Variants in PLEKHA6 observed in about 807,000 individuals in gnomAD.
PLEKHA6 encodes pleckstrin homology domain-containing family A member 6.
Under a neutral mutation model 116.7 loss-of-function variants are expected in PLEKHA6, and 60 were observed. The observed-to-expected ratio is 0.51, with a 90% confidence interval of 0.42 to 0.64. The LOEUF (loss-of-function observed/expected upper bound fraction) is 0.64, where lower values mean the gene tolerates loss of function less well. Ranked by LOEUF, PLEKHA6 falls within the 30% of genes least tolerant of loss-of-function variation. The pLI is 0.00. For synonymous variants in PLEKHA6, 489 were observed against 556.1 expected (o/e 0.88, Z 1.70); for missense variants, 1,338 against 1,422.7 (o/e 0.94, Z 0.96).
At chr1:204,326,656 T>G (rs1033798912) in intron 1 of PLEKHA6, among the ~76,000 whole-genome samples, 3 of 152,212 alleles carry the variant, frequency 2.0e-5, no homozygotes, top group African/African-American at 7.2e-5. Flanking sequence ...GCAAATAATT[T>G]TTGCTGTCCA....
chr1:204,282,388 G>C (rs888617921), intron 1 of PLEKHA6, among the ~76,000 whole-genome samples: 2 of 152,154 alleles, frequency 1.3e-5, no homozygotes, highest in African/African-American at 2.4e-5. Flanking sequence ...AGAGTAGATA[G>C]CATAACTCTG....
intron 9 of PLEKHA6, among the ~76,000 whole-genome samples, chr1:204,253,457 G>T (rs1664831064): frequency 6.6e-6 from 1 of 152,162 alleles, no homozygotes; most frequent in African/African-American, 2.4e-5. Context: ...TGGGGGCGAA[G>T]CCTACAGTGA....
At chr1:204,337,719 G>T (rs80250752) in intron 1 of PLEKHA6, among the ~76,000 whole-genome samples, 21 of 152,160 alleles carry the variant, frequency 1.4e-4, no homozygotes, top group African/African-American at 2.2e-4. Context: ...TCTCACTTGG[G>T]GGGGGAATCC....
At chr1:204,352,555 T>A (rs1673313264) in intron 1 of PLEKHA6, among the ~76,000 whole-genome samples, 1 of 152,104 alleles carries the variant, frequency 6.6e-6, no homozygotes, top group Non-Finnish European at 1.5e-5. Context: ...CGGCTTAAGG[T>A]TTCTGCCTTG....
At position 204,338,441 on chromosome 1, in the gene PLEKHA6, T is replaced by C. The variant is rs189091375; in HGVS notation, c.-95+21253A>G. Among the ~76,000 whole-genome samples, 992 of 152,312 alleles carry C rather than the reference T, an allele frequency of 6.5e-3. 6 individuals carry two copies. Among genetic ancestry groups the C allele is most frequent in the African/African-American group, 0.023 (945 of 41,568 alleles). On this transcript the variant is annotated intron_variant, in intron 1 of 22. Transcript: ENST00000272203. ...AAGGTCATTAGTTCATAAGAACTCA[T>C]TAGTTCAACAGGAAGTGCAGTCTCA...
intron 21 of PLEKHA6, among the ~76,000 whole-genome samples, chr1:204,225,738 A>G (rs1213058621): frequency 6.6e-6 from 1 of 152,168 alleles, no homozygotes; most frequent in African/African-American, 2.4e-5. Context: ...GTCTCCACAC[A>G]ACATCCTTAG....
intron 12 of PLEKHA6, among the ~76,000 whole-genome samples, chr1:204,248,325 TG>T (rs1433436207): frequency 6.6e-6 from 1 of 152,114 alleles, no homozygotes; most frequent in Non-Finnish European, 1.5e-5. Context: ...CGGCTAATTT[TG>T]TATTTTTAGT....
chr1:204,243,981 C>T (rs916955117), intron 15 of PLEKHA6, among the ~76,000 whole-genome samples: 8 of 151,852 alleles, frequency 5.3e-5, no homozygotes, highest in Admixed American at 2.6e-4. Flanking sequence ...CCACCACGCC[C>T]GGCTAATTTT....
intron 1 of PLEKHA6, among the ~76,000 whole-genome samples, chr1:204,374,212 A>G (rs1256239531): frequency 6.6e-6 from 1 of 152,158 alleles, no homozygotes; most frequent in African/African-American, 2.4e-5. Flanking sequence ...TCTCCACTCC[A>G]GCACCGGGCT....
chr1:204,313,825 A>G (rs1671754090), intron 1 of PLEKHA6: 1 of 352,046 alleles, frequency 2.8e-6, no homozygotes, highest in Non-Finnish European at 4.0e-6. Flanking sequence ...GCCACCCCAC[A>G]GAGCATCTCC....
At chr1:204,224,452 C>T (rs1474196383) in intron 21 of PLEKHA6, among the ~76,000 whole-genome samples, 2 of 151,942 alleles carry the variant, frequency 1.3e-5, no homozygotes, top group Non-Finnish European at 2.9e-5. Context: ...ACTGCATTTC[C>T]ACCGAGAGAG....
At chr1:204,272,472 A>G (rs1176657791) in intron 3 of PLEKHA6, among the ~76,000 whole-genome samples, 2 of 152,038 alleles carry the variant, frequency 1.3e-5, no homozygotes, top group Admixed American at 1.3e-4. Flanking sequence ...CTACCCTTCC[A>G]TTTCCCATCA....
intron 17 of PLEKHA6, among the ~76,000 whole-genome samples, chr1:204,232,198 G>A (rs912749220): frequency 6.6e-6 from 1 of 152,202 alleles, no homozygotes. Context: ...TTTAGCTGAG[G>A]AGATTTCCAA....
rs550258097 is a variant in PLEKHA6 at position 204,346,124 on chromosome 1, T to G, written c.-95+13570A>C. 1.1e-4 allele frequency among the ~76,000 whole-genome samples: 17 copies of G among 152,298 alleles called. 1 individual carries two copies. In the South Asian group the frequency reaches 3.5e-3, roughly 32 times the overall value. Reference sequence around the variant, plus strand: ...CTAGAGGAGCTGCTGCCCCATTGGATAGCCCCCTCCTCAATCACAAGTGGG... The same window carrying G: ...CTAGAGGAGCTGCTGCCCCATTGGAGAGCCCCCTCCTCAATCACAAGTGGG... On this transcript the variant is annotated intron_variant, in intron 1 of 22. Coordinates refer to ENST00000272203, the MANE Select transcript of PLEKHA6 (RefSeq NM_014935.5).
intron 1 of PLEKHA6, among the ~76,000 whole-genome samples, chr1:204,292,280 G>C (rs1223915005): frequency 6.6e-6 from 1 of 152,174 alleles, no homozygotes; most frequent in Non-Finnish European, 1.5e-5. Flanking sequence ...TATGAGGTGG[G>C]CAGAAAAGTG....
At chr1:204,316,312 A>G (rs1671856610) in intron 1 of PLEKHA6, among the ~76,000 whole-genome samples, 1 of 152,226 alleles carries the variant, frequency 6.6e-6, no homozygotes, top group African/African-American at 2.4e-5. Context: ...TTCTCGATAC[A>G]GGATGTGGAG....
chr1:204,348,352 A>G (rs1216390343), intron 1 of PLEKHA6, among the ~76,000 whole-genome samples: 1 of 152,164 alleles, frequency 6.6e-6, no homozygotes, highest in Non-Finnish European at 1.5e-5. Flanking sequence ...GGGCAGCTTG[A>G]AGCTGAAAAG....
intron 1 of PLEKHA6, among the ~76,000 whole-genome samples, chr1:204,294,562 A>G (rs1259916358): frequency 6.6e-6 from 1 of 152,184 alleles, no homozygotes; most frequent in Non-Finnish European, 1.5e-5. Context: ...GTGCAACTTG[A>G]AATTCCCTTC....
At position 204,233,181 on chromosome 1, in the gene PLEKHA6, C is replaced by G. The variant is rs894626943; in HGVS notation, c.2410-2595G>C. 4.1e-5 allele frequency among the ~76,000 whole-genome samples: 5 copies of G among 120,654 alleles called. No homozygotes were observed. In the South Asian group the frequency reaches 7.5e-4, roughly 18 times the overall value. The allele number at this position is 120,654 out of a possible 152,430, so 79.2% of individuals were successfully genotyped here. On this transcript the variant is annotated intron_variant, in intron 17 of 22. Transcript: ENST00000272203. ...ATTTATTCTTTCTTTCTTTTTTTTT[C>G]TTTTTCTTTTTTTTTTTTTGTCTAG...
Sources: allele counts gnomAD v4.1 joint callset (sites outside exome capture counted in the v4.1 genomes callset), GRCh38; gene constraint gnomAD v4.1.1; transcripts MANE v1.5; gene names NCBI Gene and HGNC (gene_info 2026-07-23, HGNC 2026-07-21).